Variants in FGD6 observed in about 807,000 individuals in gnomAD.
The protein encoded by FGD6 is FYVE, RhoGEF and PH domain containing 6, also known as FYVE, RhoGEF and PH domain-containing protein 6.
FGD6 carries 90 observed loss-of-function variants against 149.4 expected under a neutral mutation model. That is an observed-to-expected ratio of 0.60 (90% CI 0.51 to 0.72). The LOEUF is 0.72. Ranked by LOEUF, FGD6 falls within the 30% of genes least tolerant of loss-of-function variation. FGD6 has a pLI of 0.00. For missense variants in FGD6, 1,437 were observed against 1,684.8 expected, an observed-to-expected ratio of 0.85 and a Z score of 2.57; for synonymous variants, 527 against 584.0, an observed-to-expected ratio of 0.90 and a Z score of 1.41.
chr12:95,217,106 C>A (rs1486633056), intron 1 of FGD6, 119 bp downstream of exon 1: 3 of 1,489,350 alleles, frequency 2.0e-6, no homozygotes, highest in East Asian at 2.5e-5. Context: ...TGCCGAGGTG[C>A]TCGGCAAAGG....
rs1241951138 is a variant in FGD6 at position 95,123,042 on chromosome 12, G to A, written c.3083-9341C>T. 1.1e-4 allele frequency among the ~76,000 whole-genome samples: 16 copies of A among 145,900 alleles called. No individual in the cohort carries two copies. In the East Asian group the frequency reaches 3.0e-3, roughly 28 times the overall value. On this transcript the variant is annotated intron_variant, in intron 8 of 20. Transcript: ENST00000343958. ...GGTTGCACAGCCTGAGCGACAGAGT[G>A]AGACTCTGTCAAAAAAAAAAAAAGC...
Position 95,195,824 on chromosome 12 carries a change from T to G in FGD6, c.2441+13019A>C, listed in dbSNP as rs542676012. On this transcript the variant is annotated intron_variant, in intron 2 of 20. Coordinates refer to ENST00000343958, the MANE Select transcript of FGD6 (RefSeq NM_018351.4). ...AGGACAAGAGGGGTCTTGGTGGTGA[T>G]GGAATGGTGAAGATGGAGATGCAAA... 5.0e-3 allele frequency among the ~76,000 whole-genome samples: 713 copies of G among 143,256 alleles called. 7 individuals are homozygous for G. The highest frequency in any genetic ancestry group is 0.017 in the African/African-American group (661 of 38,348). 94.0% of individuals were successfully genotyped at this position (143,256 alleles called of 152,430 possible).
chr12:95,107,465 T>C, intron 12 of FGD6, 98 bp downstream of exon 12: 1 of 1,139,252 alleles, frequency 8.8e-7, no homozygotes, highest in South Asian at 1.4e-5. Context: ...GAGGCTGATA[T>C]TTGAAGGTGC....
In FGD6 at chr12:95,209,938, C is replaced by T. The variant is rs996094579; in HGVS notation, c.1346G>A (p.Cys449Tyr). 1.2e-6 allele frequency: 2 copies of T among 1,612,804 alleles called. No individual in the cohort carries two copies. The highest frequency in any genetic ancestry group is 4.5e-5 in the East Asian group (2 of 44,884). The change falls in exon 2 of 21, where the codon TGT becomes TAT. Residue 449 changes from cysteine (C) to tyrosine (Y), a missense_variant. Coordinates refer to ENST00000343958, the MANE Select transcript of FGD6 (RefSeq NM_018351.4). ...CTTAGGCAGGCTCATAGATACAGTA[C>T]ATCTTATAAAACCGGTCCCTTCGTC... ...AVDEGTGFIR[C>Y]TVSMSLPKQL...
intron 2 of FGD6, among the ~76,000 whole-genome samples, chr12:95,186,266 T>A (rs1223959119): frequency 5.5e-5 from 6 of 108,318 alleles, no homozygotes; most frequent in South Asian, 3.7e-4. Context: ...TTTTTTTTTT[T>A]GAGACGGAGT....
At chr12:95,095,635 A>G (rs1184393919) in intron 14 of FGD6, among the ~76,000 whole-genome samples, 1 of 152,174 alleles carries the variant, frequency 6.6e-6, no homozygotes, top group Non-Finnish European at 1.5e-5. Flanking sequence ...CCATCATAAT[A>G]AAACAAAATT....
intron 3 of FGD6, among the ~76,000 whole-genome samples, chr12:95,162,533 T>C (rs529108475): frequency 3.4e-4 from 51 of 151,962 alleles, no homozygotes; most frequent in Admixed American, 3.3e-4. Context: ...TGTCTAAAAA[T>C]TGAATGAATA....
intron 9 of FGD6, 41 bp from the exon 10 acceptor site, chr12:95,108,602 A>T (rs374856366): frequency 6.2e-7 from 1 of 1,608,282 alleles, no homozygotes. Flanking sequence ...AGTAATTACA[A>T]TGGAAACAAA....
chr12:95,120,242 A>T (rs1160806371), intron 8 of FGD6, among the ~76,000 whole-genome samples: 5 of 151,722 alleles, frequency 3.3e-5, no homozygotes, highest in South Asian at 2.1e-4. Flanking sequence ...TAAATAAATA[A>T]AAATAAATAA....
chr12:95,111,360 C>T (rs1162835442), intron 9 of FGD6, among the ~76,000 whole-genome samples: 2 of 152,176 alleles, frequency 1.3e-5, no homozygotes, highest in Non-Finnish European at 1.5e-5. Flanking sequence ...TATGTCTTTG[C>T]TGTCACATGT....
At chr12:95,087,948 C>T (rs1393200841) in intron 18 of FGD6, among the ~76,000 whole-genome samples, 1 of 151,850 alleles carries the variant, frequency 6.6e-6, no homozygotes, top group Non-Finnish European at 1.5e-5. Context: ...GGAAAAAAAT[C>T]CAACTAGAAT....
intron 8 of FGD6, among the ~76,000 whole-genome samples, chr12:95,132,724 C>T (rs1284706301): frequency 6.6e-6 from 1 of 152,012 alleles, no homozygotes; most frequent in African/African-American, 2.4e-5. Context: ...TGCACTCCAG[C>T]CTGGCAACTG....
chr12:95,191,301 T>C (rs1345558122), intron 2 of FGD6, among the ~76,000 whole-genome samples: 2 of 152,212 alleles, frequency 1.3e-5, no homozygotes, highest in Non-Finnish European at 2.9e-5. Flanking sequence ...TAAAGACAGA[T>C]GCATGTGAGG....
At chr12:95,179,721 A>T (rs985478336) in intron 2 of FGD6, among the ~76,000 whole-genome samples, 6 of 152,272 alleles carry the variant, frequency 3.9e-5, no homozygotes, top group African/African-American at 1.4e-4. Context: ...TCTTAAAGGG[A>T]TCTTCCTTCA....
At position 95,184,510 on chromosome 12, in the gene FGD6, C is replaced by T. The variant is rs1372885942; in HGVS notation, c.2442-11766G>A. On this transcript the variant is annotated intron_variant, in intron 2 of 20. Coordinates refer to ENST00000343958, the MANE Select transcript of FGD6 (RefSeq NM_018351.4). ...ACCCCCCAAAACCATAAGGAACCCA[C>T]ATCTTTCTGAGACAGCACCCTGGGG... 2.6e-5 allele frequency among the ~76,000 whole-genome samples: 4 copies of T among 151,898 alleles called. 1 individual carries two copies. Among genetic ancestry groups the T allele is most frequent in the African/African-American group, 9.7e-5 (4 of 41,342 alleles).
intron 3 of FGD6, among the ~76,000 whole-genome samples, chr12:95,164,397 G>GTTCACTACATGTTCTTATCATATT (rs1880737136): frequency 1.3e-5 from 2 of 151,838 alleles, no homozygotes; most frequent in Admixed American, 1.3e-4. Context: ...CTTATCATAT[G>GTTCACTACATGTTCTTATCATATT]TGTTCACTAC....
intron 14 of FGD6, among the ~76,000 whole-genome samples, chr12:95,098,214 C>T (rs1449998804): frequency 6.6e-6 from 1 of 152,070 alleles, no homozygotes; most frequent in Non-Finnish European, 1.5e-5. Flanking sequence ...TCCCAGTGCT[C>T]CCTGTCACAG....
chr12:95,083,020 T>TAA (rs2136229579), intron 20 of FGD6, among the ~76,000 whole-genome samples: 1 of 73,314 alleles, frequency 1.4e-5, no homozygotes, highest in East Asian at 3.1e-4. Flanking sequence ...AAAATATATA[T>TAA]ATATATATAT....
chr12:95,129,240 A>T lies in FGD6; in HGVS notation c.3082+5499T>A, dbSNP rs180792621. 1.0e-3 allele frequency among the ~76,000 whole-genome samples: 157 copies of T among 152,308 alleles called. 2 individuals are homozygous for T. Among genetic ancestry groups the T allele is most frequent in the African/African-American group, 3.7e-3 (152 of 41,576 alleles). ...AATTTTGTGACTGGATGACTGAAAG[A>T]ATGCTTTTAAACATTTATTAATCCA... is the stretch of plus-strand genomic sequence containing the variant. On this transcript the variant is annotated intron_variant, in intron 8 of 20. Coordinates refer to ENST00000343958, the MANE Select transcript of FGD6 (RefSeq NM_018351.4).
Sources: allele counts gnomAD v4.1 joint callset (sites outside exome capture counted in the v4.1 genomes callset), GRCh38; gene constraint gnomAD v4.1.1; transcripts MANE v1.5; gene names NCBI Gene and HGNC (gene_info 2026-07-23, HGNC 2026-07-21).